Variants in TRPC3 observed in about 807,000 individuals in gnomAD.
The protein encoded by TRPC3 is transient receptor potential cation channel subfamily C member 3, also known as short transient receptor potential channel 3.
Under a neutral mutation model 90.9 loss-of-function variants are expected in TRPC3, and 54 were observed. That is an observed-to-expected ratio of 0.59 (90% CI 0.48 to 0.75). The LOEUF is 0.75. Among genes scored for constraint, TRPC3 ranks in the 30% least tolerant of loss-of-function variants. TRPC3 has a pLI of 0.00. For synonymous variants in TRPC3, 424 were observed against 450.9 expected (o/e 0.94, Z 0.75); for missense variants, 918 against 1,194.5 (o/e 0.77, Z 3.41).
chr4:121,905,845 C>T (rs1344398221), intron 7 of TRPC3, among the ~76,000 whole-genome samples: 2 of 152,048 alleles, frequency 1.3e-5, no homozygotes, highest in African/African-American at 4.8e-5. Flanking sequence ...TATAGAGTTA[C>T]TCTCTATTAC....
At chr4:121,895,708 A>G (rs1728496615) in intron 10 of TRPC3, among the ~76,000 whole-genome samples, 1 of 152,156 alleles carries the variant, frequency 6.6e-6, no homozygotes, top group South Asian at 2.1e-4. Flanking sequence ...CATCTCCCAA[A>G]AAAATAAAAT....
chr4:121,878,515 TG>T lies in TRPC3; in HGVS notation c.*1220del, dbSNP rs969609024. ...AAACCTAGCTGGTTAAAAAATGCTT[TG>T]AGTGTTTTATAGTCTCTGAAGTGAC... On this transcript the variant is annotated 3_prime_UTR_variant, in exon 12 of 12. Coordinates refer to ENST00000379645, the MANE Select transcript of TRPC3 (RefSeq NM_001130698.2). 6.6e-6 allele frequency among the ~76,000 whole-genome samples: 1 copy of T among 152,200 alleles called. No individual in the cohort carries two copies. Among genetic ancestry groups the T allele is most frequent in the African/African-American group, 2.4e-5 (1 of 41,458 alleles).
rs72919958 is a variant in TRPC3, at chr4:121,913,855, T to C, written c.1341+925A>G. Among the ~76,000 whole-genome samples, 681 of 152,356 alleles carry C rather than the reference T, an allele frequency of 4.5e-3. 3 individuals are homozygous for C. The highest frequency in any genetic ancestry group is 0.016 in the African/African-American group (658 of 41,574). On this transcript the variant is annotated intron_variant, in intron 4 of 11. Coordinates refer to ENST00000379645, the MANE Select transcript of TRPC3 (RefSeq NM_001130698.2). ...AGATGGATGAATATTCTCACACATA[T>C]ATGGTGTTTGCAGAGCAGAACTCTG...
At chr4:121,911,762 A>G (rs865980868) in intron 5 of TRPC3, 115 bp downstream of exon 5, 23 of 1,057,338 alleles carry the variant, frequency 2.2e-5, no homozygotes, top group Middle Eastern at 6.3e-4. Context: ...TTATCTTGCA[A>G]CAGTGATGTT....
intron 11 of TRPC3, among the ~76,000 whole-genome samples, chr4:121,882,038 T>C (rs953537606): frequency 4.6e-5 from 7 of 152,238 alleles, no homozygotes; most frequent in East Asian, 1.9e-4. Context: ...TGTGAACTCA[T>C]TGAAAATGTA....
At chr4:121,889,855 C>T (rs895880990) in intron 10 of TRPC3, among the ~76,000 whole-genome samples, 3 of 152,146 alleles carry the variant, frequency 2.0e-5, no homozygotes, top group Admixed American at 6.5e-5. Context: ...GTTGAAGAGA[C>T]ATCTGTACTC....
chr4:121,880,109 TTAAAG>T (rs1333178184), intron 11 of TRPC3, among the ~76,000 whole-genome samples: 13 of 152,176 alleles, frequency 8.5e-5, no homozygotes, highest in African/African-American at 2.7e-4. Context: ...AACACTCAGC[TTAAAG>T]TATTGTCCTT....
chr4:121,923,589 C>A (rs1729602218), intron 3 of TRPC3, among the ~76,000 whole-genome samples: 1 of 152,242 alleles, frequency 6.6e-6, no homozygotes, highest in East Asian at 1.9e-4. Context: ...TCACCATGTA[C>A]TACTGTGTGC....
intron 1 of TRPC3, among the ~76,000 whole-genome samples, chr4:121,942,758 C>T (rs886205184): frequency 2.0e-5 from 3 of 152,184 alleles, no homozygotes; most frequent in Non-Finnish European, 2.9e-5. Context: ...CCAGATTCCT[C>T]AGCAGCTAAA....
chr4:121,874,758 G>A lies in TRPC3; in HGVS notation c.*4978C>T, dbSNP rs977448803. On this transcript the variant is annotated 3_prime_UTR_variant, in exon 12 of 12. Coordinates refer to ENST00000379645, the MANE Select transcript of TRPC3 (RefSeq NM_001130698.2). The stretch of plus-strand genomic sequence containing the variant: ...AGTTATAGTCTGAGATACTGAAGGC[G>A]AGGACTTTAACATGAGTTTTGAGGG... 3.9e-5 allele frequency among the ~76,000 whole-genome samples: 6 copies of A among 152,088 alleles called. No homozygotes were observed. Among genetic ancestry groups the A allele is most frequent in the African/African-American group, 9.7e-5 (4 of 41,400 alleles).
At chr4:121,884,944 G>C (rs1728062249) in intron 10 of TRPC3, among the ~76,000 whole-genome samples, 1 of 152,110 alleles carries the variant, frequency 6.6e-6, no homozygotes, top group Non-Finnish European at 1.5e-5. Context: ...AACATATCAG[G>C]GATCTGGTTA....
At chr4:121,894,560 T>TG (rs1448932764) in intron 10 of TRPC3, among the ~76,000 whole-genome samples, 7 of 129,870 alleles carry the variant, frequency 5.4e-5, no homozygotes, top group South Asian at 2.7e-4. Context: ...ATTCTGTTTT[T>TG]TTTTTTTTTT....
Position 121,933,048 on chromosome 4 carries a change from C to A in TRPC3, c.216-6G>T. 6.5e-7 allele frequency: 1 copy of A among 1,549,288 alleles called. No individual in the cohort carries two copies. Among genetic ancestry groups the A allele is most frequent in the South Asian group, 1.2e-5 (1 of 81,502 alleles). On this transcript the variant is annotated splice_region_variant and splice_polypyrimidine_tract_variant and intron_variant, in intron 1 of 11. Coordinates refer to ENST00000379645, the MANE Select transcript of TRPC3 (RefSeq NM_001130698.2). The stretch of plus-strand genomic sequence containing the variant: ...ATGGGCTTCCCTCCATGGACCTAAT[C>A]AGTAGCAACGATAAAACAACTGTAG...
intron 3 of TRPC3, among the ~76,000 whole-genome samples, chr4:121,924,760 G>A (rs979791419): frequency 6.6e-6 from 1 of 152,000 alleles, no homozygotes; most frequent in East Asian, 1.9e-4. Context: ...AGCTGGTCTT[G>A]AACGCCTGGC....
rs533931095 is a variant in TRPC3, at chr4:121,874,856, G to A, written c.*4880C>T. On this transcript the variant is annotated 3_prime_UTR_variant, in exon 12 of 12. Transcript: ENST00000379645. Reference sequence around the variant, plus strand: ...GAAGAAACCACAAAGGAAAAAAGCAGATATGGTGTTACATGCCTGTAGTCT... The same window carrying A: ...GAAGAAACCACAAAGGAAAAAAGCAAATATGGTGTTACATGCCTGTAGTCT... Among the ~76,000 whole-genome samples, 4 of 152,214 alleles carry A rather than the reference G, an allele frequency of 2.6e-5. No homozygotes were observed. The highest frequency in any genetic ancestry group is 5.9e-5 in the Non-Finnish European group (4 of 68,008).
At chr4:121,917,550 A>T (rs1729360554) in intron 3 of TRPC3, among the ~76,000 whole-genome samples, 1 of 152,238 alleles carries the variant, frequency 6.6e-6, no homozygotes, top group Non-Finnish European at 1.5e-5. Flanking sequence ...GAATTAAGTG[A>T]TAAGAGGTCA....
chr4:121,933,283 T>G, intron 1 of TRPC3: 3 of 633,298 alleles, frequency 4.7e-6, no homozygotes, highest in Non-Finnish European at 6.8e-6. Context: ...TCCTATTCTC[T>G]AGAAAATGAT....
At chr4:121,943,646 A>G (rs1450723513) in intron 1 of TRPC3, among the ~76,000 whole-genome samples, 1 of 152,156 alleles carries the variant, frequency 6.6e-6, no homozygotes, top group African/African-American at 2.4e-5. Flanking sequence ...AGACAAAATG[A>G]CCATAGATAA....
At chr4:121,885,487 G>A (rs1728083827) in intron 10 of TRPC3, among the ~76,000 whole-genome samples, 1 of 152,142 alleles carries the variant, frequency 6.6e-6, no homozygotes, top group Non-Finnish European at 1.5e-5. Flanking sequence ...ACAAGCTCTG[G>A]AACCTTGGTA....
Sources: allele counts gnomAD v4.1 joint callset (sites outside exome capture counted in the v4.1 genomes callset), GRCh38; gene constraint gnomAD v4.1.1; transcripts MANE v1.5; gene names NCBI Gene and HGNC (gene_info 2026-07-23, HGNC 2026-07-21).